Variants in ABCB1 observed in about 807,000 individuals in gnomAD.
ABCB1 encodes the protein ATP binding cassette subfamily B member 1, also known as ATP-dependent translocase ABCB1.
A neutral mutation model predicts 142.0 loss-of-function variants in ABCB1; 69 were observed. The observed-to-expected ratio is 0.49, with a 90% CI of 0.40 to 0.59. ABCB1 has a LOEUF of 0.59. Ranked by LOEUF, ABCB1 falls within the 20% of genes least tolerant of loss-of-function variation. The probability of loss-of-function intolerance (pLI) is 0.00; values close to 1 mark genes in which losing one functional copy is unlikely to be tolerated. For synonymous variants in ABCB1, 532 were observed against 539.2 expected (o/e 0.99, Z 0.18); for missense variants, 1,326 against 1,554.7 (o/e 0.85, Z 2.47).
At chr7:87,648,807 A>G (rs370281283) in intron 1 of ABCB1, among the ~76,000 whole-genome samples, 1 of 152,126 alleles carries the variant, frequency 6.6e-6, no homozygotes, top group East Asian at 1.9e-4. Flanking sequence ...ATTATTTTGC[A>G]TGGTTTCAAC....
intron 1 of ABCB1, among the ~76,000 whole-genome samples, chr7:87,624,373 C>G (rs1008896941): frequency 6.6e-6 from 1 of 152,146 alleles, no homozygotes; most frequent in East Asian, 1.9e-4. Flanking sequence ...CTAGAATAAA[C>G]TATGGTTTGG....
At chr7:87,574,067 G>C (rs988258877) in intron 4 of ABCB1, among the ~76,000 whole-genome samples, 3 of 152,142 alleles carry the variant, frequency 2.0e-5, no homozygotes, top group African/African-American at 7.2e-5. Context: ...GACTACATAG[G>C]CACTGGAGGG....
At chr7:87,699,608 G>A (rs1828832644) in intron 1 of ABCB1, among the ~76,000 whole-genome samples, 1 of 152,178 alleles carries the variant, frequency 6.6e-6, no homozygotes, top group South Asian at 2.1e-4. Context: ...GTTTCACCAT[G>A]TTGGCCAGGC....
chr7:87,577,330 G>A (rs985925250), intron 4 of ABCB1, among the ~76,000 whole-genome samples: 1 of 152,096 alleles, frequency 6.6e-6, no homozygotes, highest in African/African-American at 2.4e-5. Context: ...TGGACACTTA[G>A]GTTGCTCCCA....
chr7:87,704,105 GA>G (rs1401424418), intron 1 of ABCB1, among the ~76,000 whole-genome samples: 1 of 151,310 alleles, frequency 6.6e-6, no homozygotes, highest in Non-Finnish European at 1.5e-5. Context: ...ATTTTTAGTA[GA>G]TACAGGGTTT....
At chr7:87,566,027 G>A (rs1380366303) in intron 7 of ABCB1, 43 bp downstream of exon 7, 2 of 1,606,998 alleles carry the variant, frequency 1.2e-6, no homozygotes, top group Non-Finnish European at 1.7e-6. Context: ...AGCAGGAAGG[G>A]AGAAGGTGCA....
chr7:87,626,187 G>GTGTCATATATATTGTCATATATA (rs1820478457), intron 1 of ABCB1, among the ~76,000 whole-genome samples: 1 of 114,858 alleles, frequency 8.7e-6, no homozygotes, highest in Non-Finnish European at 1.8e-5. Context: ...TCATATATAT[G>GTGTCATATATATTGTCATATATA]TGTCATATAT....
chr7:87,650,584 A>T (rs1470918410), intron 1 of ABCB1, among the ~76,000 whole-genome samples: 1 of 152,172 alleles, frequency 6.6e-6, no homozygotes, highest in Non-Finnish European at 1.5e-5. Context: ...TCAACATATG[A>T]ATTTTGGGAG....
At chr7:87,568,375 C>T (rs1410647760) in intron 5 of ABCB1, among the ~76,000 whole-genome samples, 1 of 150,320 alleles carries the variant, frequency 6.7e-6, no homozygotes, top group African/African-American at 2.5e-5. Flanking sequence ...GATCGTGCCA[C>T]TACACTCCAA....
At chr7:87,578,277 A>G (rs974010185) in intron 4 of ABCB1, among the ~76,000 whole-genome samples, 6 of 152,060 alleles carry the variant, frequency 3.9e-5, no homozygotes, top group African/African-American at 1.4e-4. Flanking sequence ...CCATTGGTCT[A>G]TGTGTCTCTT....
intron 1 of ABCB1, among the ~76,000 whole-genome samples, chr7:87,701,687 T>C (rs927341415): frequency 2.2e-4 from 33 of 152,212 alleles, no homozygotes; most frequent in African/African-American, 7.0e-4. Context: ...TCTACACTTA[T>C]CTGAAAAGAC....
intron 1 of ABCB1, among the ~76,000 whole-genome samples, chr7:87,671,061 G>A (rs1825779239): frequency 6.6e-6 from 1 of 152,064 alleles, no homozygotes. Flanking sequence ...TGTTTCCTGG[G>A]GGCTCCAACC....
At chr7:87,592,846 A>C (rs1819048988) in intron 3 of ABCB1, among the ~76,000 whole-genome samples, 1 of 152,010 alleles carries the variant, frequency 6.6e-6, no homozygotes, top group Admixed American at 6.6e-5. Context: ...ATTTAGAAAA[A>C]AATTAATGTT....
intron 21 of ABCB1, among the ~76,000 whole-genome samples, chr7:87,530,239 A>T (rs1295569788): frequency 6.6e-6 from 1 of 152,164 alleles, no homozygotes; most frequent in African/African-American, 2.4e-5. Flanking sequence ...TCCCTGTCCT[A>T]AATGTTAGTT....
intron 25 of ABCB1, 110 bp from the exon 26 acceptor site, chr7:87,509,591 G>A: frequency 8.3e-7 from 1 of 1,204,912 alleles, no homozygotes; most frequent in Non-Finnish European, 1.2e-6. Context: ...TGAGATTAAG[G>A]AAAAGTTTGT....
intron 1 of ABCB1, among the ~76,000 whole-genome samples, chr7:87,707,957 A>G (rs1046990205): frequency 2.0e-5 from 3 of 152,094 alleles, no homozygotes; most frequent in Admixed American, 2.0e-4. Context: ...CACAATTGAA[A>G]TTGAAAAATA....
chr7:87,530,588 A>G (rs1008915338), intron 21 of ABCB1, among the ~76,000 whole-genome samples: 2 of 152,140 alleles, frequency 1.3e-5, no homozygotes, highest in African/African-American at 2.4e-5. Flanking sequence ...GGGAAAAAAA[A>G]GAAGTAAAAA....
At position 87,566,879 on chromosome 7, in the gene ABCB1, T is replaced by C; in HGVS notation, c.436A>G (p.Lys146Glu). ...GCATGAAAAAACTGTTTTCTAATTT[T>C]GTGTATTTGTCTTCCAGCTGCCAGG... The part of the protein sequence containing the change: ...WCLAAGRQIH[K>E]IRKQFFHAIM... Residue 146 changes from lysine to glutamate, a missense_variant, in exon 6 of 28, where the codon AAA becomes GAA. Transcript: ENST00000622132. 2 of 1,614,196 alleles carry C rather than the reference T, an allele frequency of 1.2e-6. No homozygotes were observed. Among genetic ancestry groups the C allele is most frequent in the South Asian group, 2.2e-5 (2 of 91,082 alleles).
rs567487556 is a variant in ABCB1, at chr7:87,547,361, T to A, written c.1726-1337A>T. Among the ~76,000 whole-genome samples, 504 of 152,354 alleles carry A rather than the reference T, an allele frequency of 3.3e-3. 4 individuals are homozygous for A. Among genetic ancestry groups the A allele is most frequent in the Non-Finnish European group, 5.3e-3 (359 of 68,034 alleles). ...TCAAAATTTACACCCTAAAGTATTT[T>A]AAAATATAACCTTTTAAAATTGTTT... is the stretch of plus-strand genomic sequence containing the variant. On this transcript the variant is annotated intron_variant, in intron 14 of 27. Transcript: ENST00000622132.
Sources: gnomAD v4.1 joint callset for allele counts (sites outside exome capture counted in the v4.1 genomes callset) on GRCh38, gnomAD v4.1.1 for gene constraint, MANE v1.5 for transcripts, NCBI Gene and HGNC (gene_info 2026-07-23, HGNC 2026-07-21) for gene names.